Variants in THSD7B observed in about 807,000 individuals in gnomAD.
THSD7B encodes the protein thrombospondin type 1 domain containing 7B, also known as thrombospondin type-1 domain-containing protein 7B.
Under a neutral mutation model 213.6 loss-of-function variants are expected in THSD7B, and 138 were observed. The observed-to-expected ratio is 0.65, with a 90% CI of 0.56 to 0.74. The LOEUF (loss-of-function observed/expected upper bound fraction) is 0.74. Ranked by LOEUF, THSD7B falls within the 30% of genes least tolerant of loss-of-function variation. The pLI, the probability that THSD7B is intolerant of heterozygous loss-of-function variation, is 0.00. For missense variants in THSD7B, 1,931 were observed against 1,991.5 expected (o/e 0.97, Z 0.58); for synonymous variants, 742 against 687.0 (o/e 1.08, Z -1.25).
chr2:137,529,712 T>TA (rs998603329), intron 15 of THSD7B, among the ~76,000 whole-genome samples: 1 of 151,758 alleles, frequency 6.6e-6, no homozygotes, highest in Non-Finnish European at 1.5e-5. Context: ...AGATTATGGT[T>TA]AAAAAAATCA....
intron 1 of THSD7B, among the ~76,000 whole-genome samples, chr2:136,804,167 T>C (rs374427476): frequency 6.6e-6 from 1 of 152,154 alleles, no homozygotes; most frequent in East Asian, 1.9e-4. Flanking sequence ...CATTGGAAAG[T>C]GCATGCTCTG....
chr2:136,908,070 C>T (rs1379848793), intron 2 of THSD7B, among the ~76,000 whole-genome samples: 2 of 152,010 alleles, frequency 1.3e-5, no homozygotes, highest in Admixed American at 1.3e-4. Flanking sequence ...AATTTGACAG[C>T]CTTGATTTAA....
intron 4 of THSD7B, among the ~76,000 whole-genome samples, chr2:137,110,839 T>C (rs771890480): frequency 3.9e-5 from 6 of 152,240 alleles, no homozygotes; most frequent in African/African-American, 9.6e-5. Flanking sequence ...TTATTTTTAC[T>C]GTACCTTGTT....
chr2:136,781,188 C>T (rs1220503665), intron 1 of THSD7B, among the ~76,000 whole-genome samples: 1 of 151,502 alleles, frequency 6.6e-6, no homozygotes, highest in Non-Finnish European at 1.5e-5. Context: ...GGGCGTTGTG[C>T]AAGCTGGCCC....
chr2:137,281,038 A>G (rs1018093033), intron 12 of THSD7B, among the ~76,000 whole-genome samples: 2 of 152,170 alleles, frequency 1.3e-5, no homozygotes, highest in African/African-American at 4.8e-5. Flanking sequence ...TAATGGATAC[A>G]GAGTAGGTAC....
intron 12 of THSD7B, among the ~76,000 whole-genome samples, chr2:137,388,146 T>C (rs555591430): frequency 6.6e-6 from 1 of 152,292 alleles, no homozygotes; most frequent in East Asian, 1.9e-4. Context: ...GATGCTTTTT[T>C]CCTACCATTT....
intron 4 of THSD7B, among the ~76,000 whole-genome samples, chr2:137,098,378 G>A (rs1688078848): frequency 6.6e-6 from 1 of 152,046 alleles, no homozygotes; most frequent in African/African-American, 2.4e-5. Flanking sequence ...GAACACAACA[G>A]ACAAACTTCC....
chr2:137,318,903 T>C (rs571769481), intron 12 of THSD7B, among the ~76,000 whole-genome samples: 1 of 149,190 alleles, frequency 6.7e-6, no homozygotes, highest in East Asian at 2.1e-4. Context: ...CAAGTGATTC[T>C]CCTGCCTCAG....
chr2:136,855,082 A>G (rs1683156391), intron 1 of THSD7B, among the ~76,000 whole-genome samples: 1 of 152,092 alleles, frequency 6.6e-6, no homozygotes, highest in Admixed American at 6.5e-5. Context: ...GCCTGTTTCC[A>G]GTCATGGAAC....
At chr2:137,234,526 G>C (rs1419248318) in intron 9 of THSD7B, among the ~76,000 whole-genome samples, 2 of 152,286 alleles carry the variant, frequency 1.3e-5, no homozygotes, top group East Asian at 3.9e-4. Context: ...AAATACACAT[G>C]AAGATGTGTA....
At chr2:137,553,354 C>T (rs984183727) in intron 15 of THSD7B, among the ~76,000 whole-genome samples, 1 of 152,136 alleles carries the variant, frequency 6.6e-6, no homozygotes. Flanking sequence ...AACCCTATGG[C>T]TCTGACACAC....
intron 2 of THSD7B, among the ~76,000 whole-genome samples, chr2:136,890,308 T>C (rs62172302): frequency 0.68 from 3,500 of 5,182 alleles, 1,105 homozygotes; most frequent in Middle Eastern, 0.8. Flanking sequence ...CTACTCCTTC[T>C]TCTTCTTCTT....
At chr2:137,048,725 G>A (rs1160155119) in intron 2 of THSD7B, among the ~76,000 whole-genome samples, 1 of 152,184 alleles carries the variant, frequency 6.6e-6, no homozygotes, top group African/African-American at 2.4e-5. Flanking sequence ...CCTTTATCAA[G>A]TTCAGCATGT....
At chr2:137,547,879 CATG>C (rs1680772380) in intron 15 of THSD7B, among the ~76,000 whole-genome samples, 2 of 151,910 alleles carry the variant, frequency 1.3e-5, no homozygotes, top group Admixed American at 1.3e-4. Flanking sequence ...GCTCTCACTG[CATG>C]ATAAGAAAGT....
At chr2:137,460,372 GTATGAACAT>G (rs1180763397) in intron 15 of THSD7B, among the ~76,000 whole-genome samples, 1 of 152,108 alleles carries the variant, frequency 6.6e-6, no homozygotes, top group Non-Finnish European at 1.5e-5. Flanking sequence ...TAGATGTTAA[GTATGAACAT>G]TTTTCCTTGG....
intron 2 of THSD7B, among the ~76,000 whole-genome samples, chr2:136,978,876 G>A (rs746434392): frequency 2.0e-5 from 3 of 151,012 alleles, no homozygotes; most frequent in Non-Finnish European, 4.4e-5. Context: ...CTGCTTTATA[G>A]TGTCAATGGT....
At chr2:137,218,192 T>G (rs1226987306) in intron 7 of THSD7B, among the ~76,000 whole-genome samples, 1 of 152,132 alleles carries the variant, frequency 6.6e-6, no homozygotes, top group Admixed American at 6.6e-5. Context: ...CTTTTTTATT[T>G]TAATGCAGAG....
chr2:137,623,254 A>G (rs559013652), intron 20 of THSD7B, among the ~76,000 whole-genome samples: 9 of 152,352 alleles, frequency 5.9e-5, no homozygotes, highest in Non-Finnish European at 1.2e-4. Flanking sequence ...CAGAGGCAGA[A>G]AAGGCCTTTG....
chr2:137,348,754 G>A (rs1040245158), intron 12 of THSD7B, among the ~76,000 whole-genome samples: 2 of 145,814 alleles, frequency 1.4e-5, no homozygotes, highest in Non-Finnish European at 3.0e-5. Context: ...AGGGGCATGG[G>A]AGTGGAGGGC....
Sources: allele counts gnomAD v4.1 joint callset (sites outside exome capture counted in the v4.1 genomes callset), GRCh38; gene constraint gnomAD v4.1.1; transcripts MANE v1.5; gene names NCBI Gene and HGNC (gene_info 2026-07-23, HGNC 2026-07-21).